Variants in MED20 observed in about 807,000 individuals in gnomAD.
The protein encoded by MED20 is mediator of RNA polymerase II transcription subunit 20.
In MED20, 19 loss-of-function variants were observed where a neutral mutation model predicts 19.7. The ratio of observed to expected loss-of-function variants is 0.96; its 90% CI spans 0.67 to 1.42. The LOEUF (loss-of-function observed/expected upper bound fraction) is 1.42. Ranked by LOEUF, MED20 falls within the 40% of genes most tolerant of loss-of-function variation. The pLI, the probability that MED20 is intolerant of heterozygous loss-of-function variation, is 0.00. For missense variants in MED20, 225 were observed against 273.0 expected (o/e 0.82, Z 1.24); for synonymous variants, 105 against 104.8 (o/e 1.00, Z -0.01).
chr6:41,909,625 C>A, intron 2 of MED20, 103 bp from the exon 3 acceptor site: 1 of 1,515,194 alleles, frequency 6.6e-7, no homozygotes, highest in Non-Finnish European at 9.0e-7. Context: ...AGCAATCTGG[C>A]ACTACCTCAG....
chr6:41,918,896 G>A (rs1397471606), intron 1 of MED20, among the ~76,000 whole-genome samples: 3 of 146,630 alleles, frequency 2.0e-5, no homozygotes, highest in Admixed American at 6.8e-5. Context: ...GCAGTGAGCC[G>A]AGATTGCGCC....
intron 3 of MED20, chr6:41,909,034 A>C: frequency 1.9e-6 from 1 of 532,824 alleles, no homozygotes; most frequent in Non-Finnish European, 3.2e-6. Flanking sequence ...AAAAAAAAAA[A>C]ATTTAATTCG....
chr6:41,916,300 C>T (rs1775313839), intron 2 of MED20, among the ~76,000 whole-genome samples: 1 of 148,080 alleles, frequency 6.8e-6, no homozygotes, highest in African/African-American at 2.6e-5. Context: ...AATAAAGTGG[C>T]CGGGCACAGT....
Position 41,906,123 on chromosome 6 carries a change from C to T in MED20, c.*949G>A, listed in dbSNP as rs1196234570. 2.0e-5 allele frequency: 3 copies of T among 152,244 alleles called. No homozygotes were observed. Among genetic ancestry groups the T allele is most frequent in the African/African-American group, 7.2e-5 (3 of 41,460 alleles). The allele number at this position is 152,244 out of a possible 1,614,324, so 9.4% of individuals were successfully genotyped here. ...GTCACAGAATCCCTGAGTTTTAACTCAGCACATGACTGCCCAGATAAGAGG... is the reference window on the plus strand; with the variant it reads ...GTCACAGAATCCCTGAGTTTTAACTTAGCACATGACTGCCCAGATAAGAGG... On this transcript the variant is annotated 3_prime_UTR_variant, in exon 4 of 4. Transcript: ENST00000265350.
intron 2 of MED20, among the ~76,000 whole-genome samples, chr6:41,910,849 C>A (rs1775175056): frequency 6.6e-6 from 1 of 151,802 alleles, no homozygotes; most frequent in African/African-American, 2.4e-5. Context: ...TGGCTCACAC[C>A]TGTAATCCCA....
intron 2 of MED20, among the ~76,000 whole-genome samples, chr6:41,911,939 T>G (rs1365837291): frequency 6.6e-6 from 1 of 152,166 alleles, no homozygotes; most frequent in Non-Finnish European, 1.5e-5. Context: ...ACTATATGAG[T>G]CTACAAGTGT....
intron 3 of MED20, chr6:41,909,037 T>C: frequency 1.9e-6 from 1 of 525,694 alleles, no homozygotes; most frequent in Non-Finnish European, 3.3e-6. Context: ...AAAAAAAAAT[T>C]TAATTCGGTG....
At chr6:41,909,879 T>TTATC (rs1775149167) in intron 2 of MED20, among the ~76,000 whole-genome samples, 1 of 152,216 alleles carries the variant, frequency 6.6e-6, no homozygotes, top group Non-Finnish European at 1.5e-5. Flanking sequence ...CTTTTGTATA[T>TTATC]TATCATATAT....
chr6:41,909,654 G>A lies in MED20; in HGVS notation c.170-132C>T, dbSNP rs1053494801. On this transcript the variant is annotated intron_variant, in intron 2 of 3. Transcript: ENST00000265350. ...ACCTCAGCAGTTCTTGGTTGGGGGT[G>A]AGGGGAATCCTCTCACTGACAGCCT... The A allele has an allele frequency of 1.9e-5, 25 of 1,334,000 alleles. No individual in the cohort carries two copies. The African/African-American group carries it at 3.2e-4, about 17-fold the overall frequency. 82.6% of individuals were successfully genotyped at this position (1,334,000 alleles called of 1,614,324 possible).
At position 41,907,021 on chromosome 6, in the gene MED20, C is replaced by T. The variant is rs754222962; in HGVS notation, c.*51G>A. ...AGGGACCTGAAAGTCAGCACCTGCT[C>T]CTCCTGTGGAGTACCCCTGGTGACA... is the stretch of plus-strand genomic sequence containing the variant. On this transcript the variant is annotated 3_prime_UTR_variant, in exon 4 of 4. Transcript: ENST00000265350. 2.6e-6 allele frequency: 4 copies of T among 1,563,386 alleles called. No homozygotes were observed. In the East Asian group the frequency reaches 9.0e-5, roughly 35 times the overall value.
chr6:41,920,802 T>C lies in MED20; in HGVS notation c.14+203A>G, dbSNP rs188074438. On this transcript the variant is annotated intron_variant, in intron 1 of 3. Coordinates refer to ENST00000265350, the MANE Select transcript of MED20 (RefSeq NM_004275.5). ...ACAAAACAAAACAAAAAAAAAACCTTTGCTTTCCCGCCTTCCAAGAGGAAG... is the reference window on the plus strand; with the variant it reads ...ACAAAACAAAACAAAAAAAAAACCTCTGCTTTCCCGCCTTCCAAGAGGAAG... 441 of 540,290 alleles carry C rather than the reference T, an allele frequency of 8.2e-4. 6 individuals carry two copies. The East Asian group carries it at 0.012, about 15-fold the overall frequency. The allele number at this position is 540,290 out of a possible 1,614,324, so 33.5% of individuals were successfully genotyped here.
At chr6:41,912,199 C>CTTTTTTT (rs887419565) in intron 2 of MED20, among the ~76,000 whole-genome samples, 3 of 119,292 alleles carry the variant, frequency 2.5e-5, no homozygotes, top group African/African-American at 7.1e-5. Flanking sequence ...CCATGCCCAC[C>CTTTTTTT]TTTTTTTTTT....
At chr6:41,913,173 T>G (rs1775238810) in intron 2 of MED20, 1 of 151,528 alleles carries the variant, frequency 6.6e-6, no homozygotes, top group Non-Finnish European at 1.5e-5. Context: ...AACTACTAAG[T>G]CAGAAACTTT....
chr6:41,916,592 A>G (rs1775320710), intron 2 of MED20, among the ~76,000 whole-genome samples, 193 bp downstream of exon 2: 1 of 152,240 alleles, frequency 6.6e-6, no homozygotes, highest in African/African-American at 2.4e-5. Context: ...AAAAAATAAA[A>G]TAAAATAAAA....
rs1340378373 is a variant in MED20 at position 41,916,890 on chromosome 6, C to G, written c.64G>C (p.Glu22Gln). ...AEGKSVQQTV[E>Q]LLTRKLEMLG... ...ATCTCCAATTTCCGGGTAAGGAGCTCTACGGTTTGCTGAACACTCTTGCCC... is the reference window on the plus strand; with the variant it reads ...ATCTCCAATTTCCGGGTAAGGAGCTGTACGGTTTGCTGAACACTCTTGCCC... Residue 22 changes from glutamate to glutamine, a missense_variant, in exon 2 of 4, where the codon GAG becomes CAG. Coordinates refer to ENST00000265350, the MANE Select transcript of MED20 (RefSeq NM_004275.5). The G allele has an allele frequency of 6.2e-7, 1 of 1,614,116 alleles. No individual in the cohort carries two copies. The highest frequency in any genetic ancestry group is 1.7e-5 in the Admixed American group (1 of 60,008).
intron 2 of MED20, among the ~76,000 whole-genome samples, chr6:41,916,359 C>G (rs1775315050): frequency 6.6e-6 from 1 of 152,170 alleles, no homozygotes; most frequent in South Asian, 2.1e-4. Flanking sequence ...GTGGGCAGAT[C>G]ACCTGAGGTC....
intron 1 of MED20, among the ~76,000 whole-genome samples, chr6:41,920,386 T>A (rs762397347): frequency 6.8e-4 from 104 of 152,124 alleles, no homozygotes; most frequent in Non-Finnish European, 1.0e-3. Context: ...AAATACTATC[T>A]CCTGATTGCT....
At position 41,908,989 on chromosome 6, in the gene MED20, C is replaced by T. The variant is rs2127374533; in HGVS notation, c.423+280G>A. The T allele has an allele frequency of 1.3e-5, 6 of 464,458 alleles. No individual in the cohort carries two copies. The South Asian group carries it at 2.7e-4, about 21-fold the overall frequency. The allele number at this position is 464,458 out of a possible 1,614,324, so 28.8% of individuals were successfully genotyped here. ...ATTGAGCCCAGGAGTCTGAGATCAG[C>T]CTGGGCAACATAGTAAGACCTCATT... On this transcript the variant is annotated intron_variant, in intron 3 of 3. Coordinates refer to ENST00000265350, the MANE Select transcript of MED20 (RefSeq NM_004275.5).
intron 2 of MED20, 92 bp from the exon 3 acceptor site, chr6:41,909,614 C>A: frequency 6.5e-7 from 1 of 1,537,638 alleles, no homozygotes; most frequent in Admixed American, 1.8e-5. Context: ...TGAGGCCAGA[C>A]AGCAATCTGG....
Sources: gnomAD v4.1 joint callset for allele counts (sites outside exome capture counted in the v4.1 genomes callset) on GRCh38, gnomAD v4.1.1 for gene constraint, MANE v1.5 for transcripts, NCBI Gene and HGNC (gene_info 2026-07-23, HGNC 2026-07-21) for gene names.